Variants in GALNT13 observed in about 807,000 individuals in gnomAD.
GALNT13 encodes UDP-GalNAc:polypeptide N-acetylgalactosaminyltransferase 13.
In GALNT13, 28 loss-of-function variants were observed where a neutral mutation model predicts 64.2. The observed-to-expected ratio is 0.44, with a 90% CI of 0.32 to 0.60. The LOEUF is 0.60. Among genes scored for constraint, GALNT13 ranks in the 20% least tolerant of loss-of-function variants. The pLI is 0.05. For missense variants in GALNT13, 577 were observed against 669.8 expected (o/e 0.86, Z 1.53); for synonymous variants, 214 against 224.6 (o/e 0.95, Z 0.42).
At chr2:153,350,545 G>C in the GALNT13 span, among the ~76,000 whole-genome samples, 30 of 151,898 alleles carry the variant, frequency 2.0e-4, no homozygotes, top group Admixed American at 1.8e-3. Context: ...ACCATATCTG[G>C]CTGGTTTTTG....
At chr2:154,350,105 T>G (rs1696308075) in intron 9 of GALNT13, among the ~76,000 whole-genome samples, 1 of 152,238 alleles carries the variant, frequency 6.6e-6, no homozygotes, top group African/African-American at 2.4e-5. Context: ...GTGTCTAGTT[T>G]ATTCATTTGT....
chr2:153,722,667 T>C, the GALNT13 span, among the ~76,000 whole-genome samples: 8 of 152,200 alleles, frequency 5.3e-5, no homozygotes, highest in African/African-American at 1.9e-4. Context: ...CAGAGAATAC[T>C]ACAAACACCT....
intron 3 of GALNT13, among the ~76,000 whole-genome samples, chr2:154,065,707 T>C (rs1005612269): frequency 6.6e-6 from 1 of 152,126 alleles, no homozygotes; most frequent in Admixed American, 6.5e-5. Context: ...AAAACTTAGA[T>C]CATAACACAC....
intron 2 of GALNT13, among the ~76,000 whole-genome samples, chr2:153,934,388 T>TTC (rs759280329): frequency 2.6e-5 from 4 of 152,164 alleles, no homozygotes; most frequent in Non-Finnish European, 5.9e-5. Context: ...TTTTTGTGTG[T>TTC]GTGATGATCT....
intron 9 of GALNT13, among the ~76,000 whole-genome samples, chr2:154,358,572 A>G (rs986848496): frequency 7.9e-5 from 12 of 152,098 alleles, no homozygotes; most frequent in African/African-American, 2.9e-4. Flanking sequence ...GGAGGTTTAT[A>G]CAATACTACA....
chr2:153,344,586 A>G, the GALNT13 span, among the ~76,000 whole-genome samples: 1 of 152,062 alleles, frequency 6.6e-6, no homozygotes, highest in Non-Finnish European at 1.5e-5. Flanking sequence ...TTTTTTTGTG[A>G]TTATAGAAAG....
chr2:153,241,059 T>G, the GALNT13 span, among the ~76,000 whole-genome samples: 1 of 152,166 alleles, frequency 6.6e-6, no homozygotes, highest in Admixed American at 6.5e-5. Flanking sequence ...TTAGGGATCT[T>G]GATTTGGAAG....
In GALNT13 at chr2:154,441,002, C is replaced by T. The variant is rs116094331; in HGVS notation, c.1530+2276C>T. ...ACCCCTTGCTACCCACAGGGTGATTCCAGGAGTAGTAGCATCACCTGGGAA... is the reference window on the plus strand; with the variant it reads ...ACCCCTTGCTACCCACAGGGTGATTTCAGGAGTAGTAGCATCACCTGGGAA... On this transcript the variant is annotated intron_variant, in intron 12 of 12. Coordinates refer to ENST00000392825, the MANE Select transcript of GALNT13 (RefSeq NM_052917.4). 7.6e-3 allele frequency among the ~76,000 whole-genome samples: 1,149 copies of T among 152,172 alleles called. 19 individuals are homozygous for T. The highest frequency in any genetic ancestry group is 0.026 in the African/African-American group (1,070 of 41,524).
At chr2:153,320,431 C>G in the GALNT13 span, among the ~76,000 whole-genome samples, 1 of 152,222 alleles carries the variant, frequency 6.6e-6, no homozygotes, top group Admixed American at 6.5e-5. Flanking sequence ...CTCTGTGCTT[C>G]TAGAGATATA....
At chr2:153,776,108 A>G in the GALNT13 span, among the ~76,000 whole-genome samples, 1 of 152,332 alleles carries the variant, frequency 6.6e-6, no homozygotes, top group African/African-American at 2.4e-5. Context: ...ATCTGTTCAA[A>G]CACTCTTTTA....
At chr2:154,094,427 A>G (rs1039837880) in intron 3 of GALNT13, among the ~76,000 whole-genome samples, 7 of 152,030 alleles carry the variant, frequency 4.6e-5, no homozygotes, top group African/African-American at 1.2e-4. Flanking sequence ...CACTCATTTT[A>G]TAACACAATG....
intron 9 of GALNT13, among the ~76,000 whole-genome samples, chr2:154,323,343 CCA>C (rs760418314): frequency 3.1e-4 from 47 of 151,938 alleles, no homozygotes; most frequent in Admixed American, 7.2e-4. Context: ...CTTTAACCTA[CCA>C]CAGTTTTTCC....
chr2:153,908,354 G>A (rs116328944), intron 2 of GALNT13, among the ~76,000 whole-genome samples: 20 of 152,182 alleles, frequency 1.3e-4, no homozygotes, highest in Non-Finnish European at 2.9e-4. Flanking sequence ...TGCTTACTCT[G>A]TTGATAGTTT....
intron 4 of GALNT13, among the ~76,000 whole-genome samples, chr2:154,206,756 C>G (rs1371933849): frequency 6.6e-6 from 1 of 151,400 alleles, no homozygotes; most frequent in Non-Finnish European, 1.5e-5. Context: ...TGCATTCCAG[C>G]CTGGGTGACA....
rs1559076134 is a variant in GALNT13, at chr2:154,298,737, A to AAT, written c.976-2672_976-2671insAT. ...TATATAAATTATATTATTTATATAT[A>AAT]GTATATATAAATATATATACTATAT... On this transcript the variant is annotated intron_variant, in intron 8 of 12. Coordinates refer to ENST00000392825, the MANE Select transcript of GALNT13 (RefSeq NM_052917.4). Among the ~76,000 whole-genome samples, 13 of 82,980 alleles carry AAT rather than the reference A, an allele frequency of 1.6e-4. 1 individual carries two copies. Among genetic ancestry groups the AAT allele is most frequent in the East Asian group, 5.7e-4 (1 of 1,752 alleles). 54.4% of individuals were successfully genotyped at this position (82,980 alleles called of 152,430 possible).
At chr2:153,767,805 T>TCC in the GALNT13 span, among the ~76,000 whole-genome samples, 24 of 151,098 alleles carry the variant, frequency 1.6e-4, no homozygotes, top group Admixed American at 1.2e-3. Flanking sequence ...TTTTTTTTTT[T>TCC]CCCCCTGTTT....
chr2:153,096,739 C>T, the GALNT13 span, among the ~76,000 whole-genome samples: 1 of 152,028 alleles, frequency 6.6e-6, no homozygotes, highest in East Asian at 1.9e-4. Context: ...CCTTTATTTT[C>T]AATCTGTGTA....
chr2:153,630,678 TA>T, the GALNT13 span, among the ~76,000 whole-genome samples: 23 of 127,224 alleles, frequency 1.8e-4, no homozygotes, highest in Admixed American at 2.5e-4. Flanking sequence ...ATTAAAAAAT[TA>T]AAAAAAATTA....
chr2:153,560,623 A>G, the GALNT13 span, among the ~76,000 whole-genome samples: 1 of 152,092 alleles, frequency 6.6e-6, no homozygotes, highest in African/African-American at 2.4e-5. Context: ...CACTTTTATC[A>G]TGACTAAATT....
Sources: allele counts gnomAD v4.1 joint callset (sites outside exome capture counted in the v4.1 genomes callset), GRCh38; gene constraint gnomAD v4.1.1; transcripts MANE v1.5; gene names NCBI Gene and HGNC (gene_info 2026-07-23, HGNC 2026-07-21).